Variants in PTPRT observed in about 807,000 individuals in gnomAD.
PTPRT encodes receptor-type tyrosine-protein phosphatase T.
Under a neutral mutation model 176.8 loss-of-function variants are expected in PTPRT, and 56 were observed. That is an observed-to-expected ratio of 0.32 (90% confidence interval 0.26 to 0.40). The LOEUF (loss-of-function observed/expected upper bound fraction) is 0.40, where lower values mean the gene tolerates loss of function less well. PTPRT is among the 10% of genes least tolerant of loss of function. The pLI, the probability that PTPRT is intolerant of heterozygous loss-of-function variation, is 1.00. For synonymous variants in PTPRT, 783 were observed against 739.0 expected (o/e 1.06, Z -0.96); for missense variants, 1,540 against 1,908.2 (o/e 0.81, Z 3.60).
the PTPRT span, among the ~76,000 whole-genome samples, chr20:42,038,352 A>G: frequency 6.6e-6 from 1 of 152,216 alleles, no homozygotes; most frequent in Middle Eastern, 3.2e-3. Context: ...AACAAGCCCA[A>G]GTTATACCCC....
chr20:42,085,747 C>T lies in PTPRT; in HGVS notation c.3953G>A (p.Arg1318His), dbSNP rs1441976520. The T allele has an allele frequency of 1.2e-5, 20 of 1,613,978 alleles. No individual in the cohort carries two copies. Among genetic ancestry groups the T allele is most frequent in the East Asian group, 2.2e-5 (1 of 44,860 alleles). The change falls in exon 28 of 31, where the codon CGC (arginine) becomes CAC (histidine). Residue 1318 changes from arginine to histidine, a missense_variant. Around this residue, in one of 11 missense-constraint regions of PTPRT, gnomAD observed 342 missense variants for 394.0 expected, o/e 0.87. Transcript: ENST00000373187. ...ACTTACCCGGGCCATGTTACAGATGCGGAATATTCTGTGGATGATGTCCTC... is the reference window on the plus strand; with the variant it reads ...ACTTACCCGGGCCATGTTACAGATGTGGAATATTCTGTGGATGATGTCCTC... Reference protein sequence around the residue: ...IDEDIIHRIFRICNMARPQDG... With the variant: ...IDEDIIHRIFHICNMARPQDG...
chr20:42,505,801 G>C (rs898622962), intron 7 of PTPRT, among the ~76,000 whole-genome samples: 1 of 152,054 alleles, frequency 6.6e-6, no homozygotes, highest in African/African-American at 2.4e-5. Flanking sequence ...AGGACATATG[G>C]TTTACAATCC....
At chr20:42,162,214 C>T (rs1469696857) in intron 16 of PTPRT, among the ~76,000 whole-genome samples, 1 of 152,180 alleles carries the variant, frequency 6.6e-6, no homozygotes, top group Non-Finnish European at 1.5e-5. Flanking sequence ...AATCCAGTGG[C>T]ATCACTGAAC....
rs950709919 is a variant in PTPRT at position 42,074,609 on chromosome 20, G to A, written c.*6270C>T. 2 of 395,652 alleles carry A rather than the reference G, an allele frequency of 5.1e-6. No individual in the cohort carries two copies. The highest frequency in any genetic ancestry group is 8.9e-6 in the Non-Finnish European group (2 of 224,772). The allele number at this position is 395,652 out of a possible 1,614,324, so 24.5% of individuals were successfully genotyped here. ...TTCCCAATAGATTTTCTTTCATCCT[G>A]AGCCCTTGCACTTCCCTTGTATCTG... On this transcript the variant is annotated 3_prime_UTR_variant, in exon 31 of 31. Coordinates refer to ENST00000373187, the MANE Select transcript of PTPRT (RefSeq NM_007050.6).
chr20:42,621,201 C>T (rs1014220783), intron 7 of PTPRT, among the ~76,000 whole-genome samples: 1 of 152,196 alleles, frequency 6.6e-6, no homozygotes, highest in Non-Finnish European at 1.5e-5. Flanking sequence ...TGCATCCTTC[C>T]CCCTGGGCTC....
intron 1 of PTPRT, among the ~76,000 whole-genome samples, chr20:42,945,143 T>C (rs1313463584): frequency 1.3e-5 from 2 of 149,978 alleles, no homozygotes; most frequent in Non-Finnish European, 3.0e-5. Flanking sequence ...TATGTAAAGA[T>C]AATATGTATC....
chr20:42,042,995 A>G, the PTPRT span, among the ~76,000 whole-genome samples: 2 of 152,198 alleles, frequency 1.3e-5, no homozygotes, highest in Admixed American at 1.3e-4. Context: ...TTTTAGAGAG[A>G]CTGATGTGTG....
intron 16 of PTPRT, among the ~76,000 whole-genome samples, chr20:42,169,299 T>C (rs990392758): frequency 6.6e-6 from 1 of 152,148 alleles, no homozygotes; most frequent in Non-Finnish European, 1.5e-5. Context: ...GGGAAAATGC[T>C]TCTAGGATTC....
chr20:42,606,560 C>T (rs984375198), intron 7 of PTPRT: 2 of 152,140 alleles, frequency 1.3e-5, no homozygotes, highest in African/African-American at 2.4e-5. Flanking sequence ...GCACATACGA[C>T]AGAGAAATGA....
chr20:43,052,152 C>T lies in PTPRT; in HGVS notation c.88+137494G>A, dbSNP rs1042410656. ...CCAATGTCCCTGAAGACAGCCCAGG[C>T]TTTGGCAGCCCAGCTTCCCATACTG... On this transcript the variant is annotated intron_variant, in intron 1 of 30. Coordinates refer to ENST00000373187, the MANE Select transcript of PTPRT (RefSeq NM_007050.6). 3.3e-5 allele frequency among the ~76,000 whole-genome samples: 5 copies of T among 152,220 alleles called. No homozygotes were observed. In the East Asian group the frequency reaches 7.7e-4, roughly 23 times the overall value.
At chr20:42,248,148 C>G (rs1490471747) in intron 14 of PTPRT, among the ~76,000 whole-genome samples, 1 of 152,080 alleles carries the variant, frequency 6.6e-6, no homozygotes, top group African/African-American at 2.4e-5. Flanking sequence ...TTCTGTGGGA[C>G]AGGACATAGT....
In PTPRT at chr20:42,171,672, T is replaced by TA. The variant is rs372308712; in HGVS notation, c.2492-10131dup. 1.9e-3 allele frequency among the ~76,000 whole-genome samples: 291 copies of TA among 152,052 alleles called. 3 individuals carry two copies. Among genetic ancestry groups the TA allele is most frequent in the African/African-American group, 6.4e-3 (267 of 41,508 alleles). On this transcript the variant is annotated intron_variant, in intron 16 of 30. Transcript: ENST00000373187. ...AGAATGAACAGGATTCAAATAGAGATAAAAAAACAAAACAAAAGAAAACCC... is the reference window on the plus strand; with the variant it reads ...AGAATGAACAGGATTCAAATAGAGATAAAAAAAACAAAACAAAAGAAAACCC...
intron 5 of PTPRT, among the ~76,000 whole-genome samples, chr20:42,762,761 C>T (rs749408246): frequency 1.1e-4 from 17 of 152,256 alleles, no homozygotes; most frequent in Non-Finnish European, 2.2e-4. Flanking sequence ...AGGAGGGATA[C>T]ATGTTCTAAA....
At chr20:42,679,593 T>C (rs887322276) in intron 6 of PTPRT, among the ~76,000 whole-genome samples, 1 of 152,192 alleles carries the variant, frequency 6.6e-6, no homozygotes, top group African/African-American at 2.4e-5. Context: ...ACATCCAACA[T>C]AGCCATTTTT....
intron 9 of PTPRT, among the ~76,000 whole-genome samples, chr20:42,363,300 A>ATTTTTTTTTTTTTTTTT (rs879370769): frequency 6.5e-5 from 2 of 30,562 alleles, no homozygotes; most frequent in African/African-American, 1.7e-4. Context: ...ATATATATAT[A>ATTTTTTTTTTTTTTTTT]TTTTTTTTTT....
At chr20:42,271,764 G>T (rs1417278630) in intron 13 of PTPRT, among the ~76,000 whole-genome samples, 1 of 152,120 alleles carries the variant, frequency 6.6e-6, no homozygotes. Context: ...CATACAAAAG[G>T]TTGAAAGGTG....
At position 42,684,958 on chromosome 20, in the gene PTPRT, G is replaced by T. The variant is rs564959728; in HGVS notation, c.860-6799C>A. Among the ~76,000 whole-genome samples, 22 of 152,260 alleles carry T rather than the reference G, an allele frequency of 1.4e-4. No homozygotes were observed. In the East Asian group the frequency reaches 4.2e-3, roughly 29 times the overall value. On this transcript the variant is annotated intron_variant, in intron 6 of 30. Coordinates refer to ENST00000373187, the MANE Select transcript of PTPRT (RefSeq NM_007050.6). ...CTCTGACTGCCCTTAGTGTTCTACA[G>T]TATTGATTCATTTAGTCTTCACAGC...
chr20:42,516,582 T>A (rs1280136294), intron 7 of PTPRT, among the ~76,000 whole-genome samples: 1 of 152,186 alleles, frequency 6.6e-6, no homozygotes, highest in Admixed American at 6.5e-5. Context: ...TTGGGGGATA[T>A]GGCTAGTATG....
At chr20:42,454,456 C>T (rs1201180195) in intron 8 of PTPRT, among the ~76,000 whole-genome samples, 1 of 152,100 alleles carries the variant, frequency 6.6e-6, no homozygotes, top group African/African-American at 2.4e-5. Flanking sequence ...CTGCCCCAAG[C>T]AATGTTCTGA....
Sources: allele counts gnomAD v4.1 joint callset (sites outside exome capture counted in the v4.1 genomes callset), GRCh38; gene constraint gnomAD v4.1.1; regional missense constraint gnomAD v4.1.1; transcripts MANE v1.5; gene names NCBI Gene and HGNC (gene_info 2026-07-23, HGNC 2026-07-21).